Variants in CLSTN2 observed in about 807,000 individuals in gnomAD.
CLSTN2 encodes calsyntenin-2.
In CLSTN2, 48 loss-of-function variants were observed where a neutral mutation model predicts 101.2. The observed-to-expected ratio is 0.47, with a 90% CI of 0.38 to 0.60. CLSTN2 has a LOEUF of 0.60. Among genes scored for constraint, CLSTN2 ranks in the 20% least tolerant of loss-of-function variants. CLSTN2 has a pLI of 0.00. For missense variants in CLSTN2, 1,160 were observed against 1,238.2 expected (o/e 0.94, Z 0.95); for synonymous variants, 481 against 463.6 (o/e 1.04, Z -0.48).
chr3:140,321,627 AG>A (rs2087283769), intron 2 of CLSTN2, among the ~76,000 whole-genome samples: 2 of 152,096 alleles, frequency 1.3e-5, no homozygotes, highest in Admixed American at 1.3e-4. Flanking sequence ...AAGGGCAGGG[AG>A]GGGGAGGACC....
At chr3:140,015,467 C>T (rs2007181584) in intron 1 of CLSTN2, among the ~76,000 whole-genome samples, 1 of 152,160 alleles carries the variant, frequency 6.6e-6, no homozygotes, top group African/African-American at 2.4e-5. Flanking sequence ...TATTGCAAAA[C>T]AAAAGCCAGA....
At chr3:140,504,259 T>C (rs1467265508) in intron 8 of CLSTN2, among the ~76,000 whole-genome samples, 3 of 152,176 alleles carry the variant, frequency 2.0e-5, no homozygotes, top group Non-Finnish European at 4.4e-5. Flanking sequence ...GAGCCTTTAT[T>C]GTCATTAACA....
At chr3:139,969,670 G>A (rs1424726313) in intron 1 of CLSTN2, among the ~76,000 whole-genome samples, 1 of 152,118 alleles carries the variant, frequency 6.6e-6, no homozygotes. Context: ...GACCCTGTCT[G>A]CTCTCCTGCC....
chr3:140,058,037 T>TA (rs1400149779), intron 1 of CLSTN2, among the ~76,000 whole-genome samples: 1 of 152,196 alleles, frequency 6.6e-6, no homozygotes, highest in Non-Finnish European at 1.5e-5. Context: ...ACGGTCCATT[T>TA]CATTAGTAAC....
intron 2 of CLSTN2, among the ~76,000 whole-genome samples, chr3:140,272,959 C>T (rs544710663): frequency 1.3e-5 from 2 of 152,136 alleles, no homozygotes; most frequent in South Asian, 4.2e-4. Context: ...TTTCAGATTC[C>T]CCATCCCCAT....
rs552443737 is a variant in CLSTN2, at chr3:140,076,560, C to T, written c.110-99391C>T. On this transcript the variant is annotated intron_variant, in intron 1 of 16. Transcript: ENST00000458420. ...TGGATGTCAATGCCGGCCTCCCACA[C>T]TCTGGCTGACAGGCAGACTTGCCTG... 1.9e-4 allele frequency among the ~76,000 whole-genome samples: 28 copies of T among 150,324 alleles called. No individual in the cohort carries two copies. In the South Asian group the frequency reaches 4.2e-3, roughly 23 times the overall value.
chr3:140,465,856 G>T (rs562981774), intron 7 of CLSTN2, among the ~76,000 whole-genome samples: 13 of 152,076 alleles, frequency 8.5e-5, no homozygotes, highest in African/African-American at 2.9e-4. Context: ...TGGAACACGC[G>T]CCTCCTGGTA....
intron 2 of CLSTN2, among the ~76,000 whole-genome samples, chr3:140,299,958 T>A (rs1219537516): frequency 6.6e-6 from 1 of 152,168 alleles, no homozygotes; most frequent in Non-Finnish European, 1.5e-5. Context: ...CCACATGTGA[T>A]GATGGTTTTG....
At chr3:140,400,494 T>G (rs1576548733) in intron 2 of CLSTN2, among the ~76,000 whole-genome samples, 1 of 151,888 alleles carries the variant, frequency 6.6e-6, no homozygotes, top group East Asian at 1.9e-4. Flanking sequence ...AGGTCAGGAG[T>G]TCGAGACCAG....
intron 1 of CLSTN2, among the ~76,000 whole-genome samples, chr3:139,936,813 T>C (rs1279059873): frequency 2.0e-5 from 3 of 152,200 alleles, no homozygotes; most frequent in East Asian, 1.9e-4. Context: ...TTTTTTGGTG[T>C]CATCGTTTTG....
intron 1 of CLSTN2, among the ~76,000 whole-genome samples, chr3:140,094,814 T>A (rs1433328175): frequency 6.6e-6 from 1 of 152,172 alleles, no homozygotes; most frequent in African/African-American, 2.4e-5. Context: ...ATTGGCAATT[T>A]TCTGAAGTCT....
At chr3:140,173,416 A>G (rs1268256013) in intron 1 of CLSTN2, among the ~76,000 whole-genome samples, 1 of 152,174 alleles carries the variant, frequency 6.6e-6, no homozygotes, top group Non-Finnish European at 1.5e-5. Flanking sequence ...TCATGGGCTG[A>G]TGTTGAGTAC....
chr3:139,946,511 G>A (rs1935217006), intron 1 of CLSTN2, among the ~76,000 whole-genome samples: 1 of 152,172 alleles, frequency 6.6e-6, no homozygotes, highest in Admixed American at 6.5e-5. Flanking sequence ...GGAGGCTCAG[G>A]TCAGACTGCA....
intron 4 of CLSTN2, among the ~76,000 whole-genome samples, chr3:140,414,068 G>T (rs1203980930): frequency 6.6e-6 from 1 of 151,998 alleles, no homozygotes; most frequent in African/African-American, 2.4e-5. Context: ...GGAAGAAAAA[G>T]AAATAAAATG....
chr3:140,032,439 C>T (rs573120939), intron 1 of CLSTN2, among the ~76,000 whole-genome samples: 4 of 151,614 alleles, frequency 2.6e-5, no homozygotes, highest in Admixed American at 1.3e-4. Flanking sequence ...GGTTCAAGCG[C>T]GATTCTCCTG....
chr3:139,996,774 G>C (rs901792097), intron 1 of CLSTN2, among the ~76,000 whole-genome samples: 3 of 152,156 alleles, frequency 2.0e-5, no homozygotes, highest in African/African-American at 7.2e-5. Flanking sequence ...GTGGCCGGGT[G>C]TGGCGGCTCA....
chr3:140,339,977 C>T (rs1011398784), intron 2 of CLSTN2, among the ~76,000 whole-genome samples: 8 of 152,182 alleles, frequency 5.3e-5, no homozygotes, highest in African/African-American at 1.9e-4. Flanking sequence ...TTGGGCAAGT[C>T]ACAGATATCC....
intron 4 of CLSTN2, among the ~76,000 whole-genome samples, chr3:140,408,525 A>G (rs566058054): frequency 2.0e-5 from 3 of 152,304 alleles, no homozygotes; most frequent in East Asian, 3.9e-4. Flanking sequence ...AGGAGCCTAC[A>G]GTGTTTACCA....
At chr3:140,099,926 C>T (rs1416687816) in intron 1 of CLSTN2, among the ~76,000 whole-genome samples, 1 of 152,274 alleles carries the variant, frequency 6.6e-6, no homozygotes, top group South Asian at 2.1e-4. Context: ...GCAGCACATG[C>T]CCTCATGACC....
Sources: gnomAD v4.1 joint callset for allele counts (sites outside exome capture counted in the v4.1 genomes callset) on GRCh38, gnomAD v4.1.1 for gene constraint, MANE v1.5 for transcripts, NCBI Gene and HGNC (gene_info 2026-07-23, HGNC 2026-07-21) for gene names.